Variants in GOSR1 observed in about 807,000 individuals in gnomAD.
GOSR1 encodes golgi SNAP receptor complex member 1.
Under a neutral mutation model 35.5 loss-of-function variants are expected in GOSR1, and 21 were observed. The ratio of observed to expected loss-of-function variants is 0.59; its 90% CI spans 0.42 to 0.85. GOSR1 has a LOEUF of 0.85. GOSR1 is among the 40% of genes least tolerant of loss of function. The probability of loss-of-function intolerance (pLI) is 0.00; values close to 1 mark genes in which losing one functional copy is unlikely to be tolerated. For synonymous variants in GOSR1, 94 were observed against 106.6 expected (o/e 0.88, Z 0.73); for missense variants, 285 against 309.6 (o/e 0.92, Z 0.60).
chr17:30,513,231 T>C (rs1967675769), intron 7 of GOSR1, among the ~76,000 whole-genome samples: 1 of 152,238 alleles, frequency 6.6e-6, no homozygotes, highest in African/African-American at 2.4e-5. Context: ...TTAACATTTA[T>C]AAATTCATTT....
chr17:30,494,153 A>G (rs1966903963), intron 6 of GOSR1, among the ~76,000 whole-genome samples: 1 of 151,488 alleles, frequency 6.6e-6, no homozygotes, highest in Non-Finnish European at 1.5e-5. Context: ...TTGCCTGGAA[A>G]AAGAGTAAAT....
intron 6 of GOSR1, among the ~76,000 whole-genome samples, chr17:30,493,199 G>T (rs2143708301): frequency 6.6e-6 from 1 of 152,174 alleles, no homozygotes; most frequent in East Asian, 1.9e-4. Context: ...GTTTCGCCAT[G>T]TAGCCAGGAT....
At chr17:30,511,878 T>C (rs1162043244) in intron 7 of GOSR1, among the ~76,000 whole-genome samples, 1 of 152,218 alleles carries the variant, frequency 6.6e-6, no homozygotes, top group East Asian at 1.9e-4. Flanking sequence ...AAAAGTACTT[T>C]GCATGCATTA....
At chr17:30,479,702 G>C (rs1258872179) in intron 1 of GOSR1, 1 of 152,138 alleles carries the variant, frequency 6.6e-6, no homozygotes, top group Non-Finnish European at 1.5e-5. Flanking sequence ...TAGAGACAGG[G>C]TTTCACCGTG....
chr17:30,477,418 A>T lies in GOSR1; in HGVS notation c.-16A>T. The T allele has an allele frequency of 1.2e-6, 2 of 1,609,030 alleles. No homozygotes were observed. The highest frequency in any genetic ancestry group is 1.7e-6 in the Non-Finnish European group (2 of 1,177,104). ...CGCCTCTGCTCCCCTATCCCGGCTG[A>T]CGTTGGACGACAAAGATGGCGGCAG... On this transcript the variant is annotated 5_prime_UTR_variant, in exon 1 of 9. Transcript: ENST00000451249.
Position 30,492,714 on chromosome 17 carries a change from G to T in GOSR1, c.470G>T (p.Arg157Ile), listed in dbSNP as rs1310257155. The T allele has an allele frequency of 1.2e-6, 2 of 1,604,152 alleles. No homozygotes were observed. ...YKSGSGVNNR[R>I]TELFLKEHDH... is the part of the protein sequence containing the mutation. ...AGTGGGTCTGGAGTAAACAACAGAA[G>T]AACTGAGCTATTTTTGAAAGAACAT... is the stretch of plus-strand genomic sequence containing the variant. Residue 157 changes from arginine (R) to isoleucine (I), a missense_variant, in exon 6 of 9, where the codon AGA becomes ATA. Arg to Ile is a moderately conservative substitution (Grantham distance 97). Transcript: ENST00000451249.
At chr17:30,500,878 A>G (rs1967177063) in intron 6 of GOSR1, among the ~76,000 whole-genome samples, 1 of 147,654 alleles carries the variant, frequency 6.8e-6, no homozygotes, top group African/African-American at 2.5e-5. Flanking sequence ...TATACAAAGA[A>G]CTCTTTTTTT....
chr17:30,512,682 C>T (rs1293458743), intron 7 of GOSR1, among the ~76,000 whole-genome samples: 1 of 152,190 alleles, frequency 6.6e-6, no homozygotes, highest in Non-Finnish European at 1.5e-5. Flanking sequence ...GAAGTTTCTT[C>T]CTTGTAACTT....
At chr17:30,505,172 A>T (rs1245434727) in intron 6 of GOSR1, among the ~76,000 whole-genome samples, 1 of 152,182 alleles carries the variant, frequency 6.6e-6, no homozygotes, top group Non-Finnish European at 1.5e-5. Context: ...CGTTTGGTAC[A>T]TTGGTCACTT....
chr17:30,524,424 CA>C lies in GOSR1; in HGVS notation c.*2047del, dbSNP rs111535150. 6.6e-5 allele frequency: 10 copies of C among 152,234 alleles called. No individual in the cohort carries two copies. The highest frequency in any genetic ancestry group is 2.4e-4 in the African/African-American group (10 of 41,524). The allele number at this position is 152,234 out of a possible 1,614,324, so 9.4% of individuals were successfully genotyped here. A position where few individuals can be genotyped will look rare whatever the true frequency, so the allele number is the denominator to read the frequency against. On this transcript the variant is annotated 3_prime_UTR_variant, in exon 9 of 9. Coordinates refer to ENST00000451249, the MANE Select transcript of GOSR1 (RefSeq NM_001007025.2). ...GTTTGAGGTTGTCTGAAATGGAGAT[CA>C]CTGTAAAACTGTCTTTTTCTTTTAA...
intron 3 of GOSR1, 75 bp from the exon 4 acceptor site, chr17:30,484,588 G>T: frequency 1.3e-6 from 1 of 760,438 alleles, no homozygotes. Flanking sequence ...AGGGCATATA[G>T]GCAAATAATT....
chr17:30,515,328 C>T (rs1967765127), intron 7 of GOSR1, among the ~76,000 whole-genome samples: 1 of 146,794 alleles, frequency 6.8e-6, no homozygotes, highest in African/African-American at 2.5e-5. Flanking sequence ...TTTCTGTAGA[C>T]ATGGTGTTTC....
intron 6 of GOSR1, among the ~76,000 whole-genome samples, chr17:30,498,339 A>T (rs989002664): frequency 6.6e-6 from 1 of 152,146 alleles, no homozygotes; most frequent in Non-Finnish European, 1.5e-5. Context: ...TGAGTAAAGC[A>T]TAGTGGCATC....
Position 30,481,273 on chromosome 17 carries a change from G to A in GOSR1, c.146+16G>A, listed in dbSNP as rs556959471. ...GACGCGACAGGTATAGGTACTACCAGATTCTGTCTCCTATGCCTTAACTGT... is the reference window on the plus strand; with the variant it reads ...GACGCGACAGGTATAGGTACTACCAAATTCTGTCTCCTATGCCTTAACTGT... On this transcript the variant is annotated intron_variant, in intron 2 of 8. Coordinates refer to ENST00000451249, the MANE Select transcript of GOSR1 (RefSeq NM_001007025.2). 1.3e-6 allele frequency: 2 copies of A among 1,589,418 alleles called. No individual in the cohort carries two copies. The highest frequency in any genetic ancestry group is 2.7e-5 in the African/African-American group (2 of 74,616).
chr17:30,493,172 T>C (rs1286140786), intron 6 of GOSR1, among the ~76,000 whole-genome samples: 2 of 152,038 alleles, frequency 1.3e-5, no homozygotes, highest in African/African-American at 4.8e-5. Flanking sequence ...TTTTTTTGTA[T>C]TTTTGGTAAA....
intron 2 of GOSR1, among the ~76,000 whole-genome samples, chr17:30,482,463 A>G (rs530857174): frequency 1.4e-4 from 21 of 152,328 alleles, no homozygotes; most frequent in African/African-American, 5.1e-4. Flanking sequence ...ATGTTTCTAT[A>G]TACCTAGCGG....
chr17:30,514,053 C>A (rs1267634281), intron 7 of GOSR1, among the ~76,000 whole-genome samples: 1 of 152,204 alleles, frequency 6.6e-6, no homozygotes, highest in Admixed American at 6.5e-5. Context: ...GTAAACTTTT[C>A]TACAAAACAG....
chr17:30,484,957 A>G (rs1392029375), intron 4 of GOSR1, 187 bp downstream of exon 4: 4 of 626,986 alleles, frequency 6.4e-6, no homozygotes, highest in African/African-American at 3.7e-5. Context: ...TTCTGAAAAT[A>G]TCTAATAGCT....
chr17:30,519,961 A>G lies in GOSR1; in HGVS notation c.562A>G (p.Asn188Asp). ...CAGCATTGCTATGGCAACAAAAGAA[A>G]ATATGACTTCACAGAGAGGAATGTT... Reference protein sequence around the residue: ...TISIAMATKENMTSQRGMLKS... With the variant: ...TISIAMATKEDMTSQRGMLKS... Residue 188 changes from asparagine to aspartate, a missense_variant, in exon 8 of 9, where the codon AAT becomes GAT. By Grantham distance (23) the Asn-to-Asp change is conservative. This residue lies in a region of GOSR1 where 168 missense variants were observed against 183.2 expected (regional missense o/e 0.92). Coordinates refer to ENST00000451249, the MANE Select transcript of GOSR1 (RefSeq NM_001007025.2). 6.2e-7 allele frequency: 1 copy of G among 1,608,784 alleles called. No individual in the cohort carries two copies. The highest frequency in any genetic ancestry group is 1.3e-5 in the African/African-American group (1 of 74,914).
Sources: allele counts gnomAD v4.1 joint callset (sites outside exome capture counted in the v4.1 genomes callset), GRCh38; gene constraint gnomAD v4.1.1; regional missense constraint gnomAD v4.1.1; transcripts MANE v1.5; gene names NCBI Gene and HGNC (gene_info 2026-07-23, HGNC 2026-07-21).